MCTP2: variants seen among roughly 807,000 people sequenced by gnomAD.
MCTP2 encodes multiple C2 and transmembrane domain containing 2, also known as multiple C2 and transmembrane domain-containing protein 2.
MCTP2 carries 132 observed loss-of-function variants against 111.6 expected under a neutral mutation model. The observed-to-expected ratio is 1.18, with a 90% CI of 1.03 to 1.37. The LOEUF (loss-of-function observed/expected upper bound fraction) is 1.37. Ranked by LOEUF, MCTP2 falls within the 40% of genes most tolerant of loss-of-function variation. MCTP2 has a pLI of 0.00. For synonymous variants in MCTP2, 395 were observed against 387.7 expected (o/e 1.02, Z -0.22); for missense variants, 1,183 against 1,067.9 (o/e 1.11, Z -1.50).
intron 17 of MCTP2, among the ~76,000 whole-genome samples, chr15:94,433,973 A>G (rs191376303): frequency 2.7e-3 from 418 of 152,300 alleles, no homozygotes; most frequent in African/African-American, 9.5e-3. Context: ...ATAATTTTTT[A>G]TCTTCTGGAA....
intron 20 of MCTP2, 87 bp from the exon 21 acceptor site, chr15:94,470,246 T>C: frequency 9.6e-7 from 1 of 1,042,172 alleles, no homozygotes; most frequent in Non-Finnish European, 1.4e-6. Flanking sequence ...ATTTCTATAA[T>C]TATGAACATG....
chr15:94,242,188 G>C (rs1333311903), intron 1 of MCTP2, among the ~76,000 whole-genome samples: 1 of 152,040 alleles, frequency 6.6e-6, no homozygotes, highest in African/African-American at 2.4e-5. Flanking sequence ...GAAAGACTGG[G>C]TTTTGAATTC....
At chr15:94,365,071 G>A (rs1338957678) in intron 10 of MCTP2, among the ~76,000 whole-genome samples, 1 of 152,146 alleles carries the variant, frequency 6.6e-6, no homozygotes, top group Non-Finnish European at 1.5e-5. Flanking sequence ...TGAACATACT[G>A]GTTCATGTGG....
At chr15:94,312,136 C>G (rs2076172552) in intron 2 of MCTP2, among the ~76,000 whole-genome samples, 1 of 152,152 alleles carries the variant, frequency 6.6e-6, no homozygotes, top group Admixed American at 6.5e-5. Context: ...TTTCAGGCTT[C>G]AGAGCATCAG....
chr15:94,276,531 A>G (rs2074219008), intron 1 of MCTP2, among the ~76,000 whole-genome samples: 2 of 152,096 alleles, frequency 1.3e-5, no homozygotes, highest in Middle Eastern at 6.9e-3. Context: ...AGTATAACAC[A>G]TGACTCAACC....
At position 94,245,174 on chromosome 15, in the gene MCTP2, A is replaced by G. The variant is rs371922735; in HGVS notation, c.-66+13510A>G. 5.2e-4 allele frequency among the ~76,000 whole-genome samples: 77 copies of G among 146,956 alleles called. 1 individual carries two copies. In the South Asian group the frequency reaches 0.013, roughly 24 times the overall value. The stretch of plus-strand genomic sequence containing the variant: ...CATGTTTGTATATTTATACACATGT[A>G]TAGATTTATACACACATATGTATGT... On this transcript the variant is annotated intron_variant, in intron 1 of 22. Coordinates refer to ENST00000357742, the MANE Select transcript of MCTP2 (RefSeq NM_001385001.1).
At chr15:94,357,860 CTTTTG>C (rs1428449265) in intron 9 of MCTP2, among the ~76,000 whole-genome samples, 6 of 152,154 alleles carry the variant, frequency 3.9e-5, no homozygotes, top group African/African-American at 1.2e-4. Flanking sequence ...GTTTGAATCA[CTTTTG>C]AAGAACACAG....
At chr15:94,246,373 T>G (rs777995816) in intron 1 of MCTP2, among the ~76,000 whole-genome samples, 1 of 152,192 alleles carries the variant, frequency 6.6e-6, no homozygotes, top group Admixed American at 6.5e-5. Flanking sequence ...CGTCTAATAG[T>G]ACCTACCTTA....
chr15:94,402,608 T>A (rs1229925295), intron 17 of MCTP2: 2 of 1,550,792 alleles, frequency 1.3e-6, no homozygotes, highest in Non-Finnish European at 1.7e-6. Flanking sequence ...TAAAACCACC[T>A]AAGTCTACCA....
rs752189971 is a variant in MCTP2, at chr15:94,358,489, G to A, written c.1178G>A (p.Cys393Tyr). Residue 393 changes from cysteine (C) to tyrosine (Y), a missense_variant, in exon 10 of 23, where the codon TGT (cysteine) becomes TAT (tyrosine). Cys to Tyr is a radical substitution (Grantham distance 194). Coordinates refer to ENST00000357742, the MANE Select transcript of MCTP2 (RefSeq NM_001385001.1). ...GDQRYKSKTL[C>Y]KSANPQWQEQ... ...TAACTGCATGTTTTCTAGACACTGT[G>A]TAAGAGTGCAAATCCGCAGTGGCAG... 4.3e-6 allele frequency: 7 copies of A among 1,613,410 alleles called. No homozygotes were observed. The South Asian group carries it at 6.6e-5, about 15-fold the overall frequency.
At chr15:94,430,901 T>C (rs1345557309) in intron 17 of MCTP2, among the ~76,000 whole-genome samples, 1 of 152,232 alleles carries the variant, frequency 6.6e-6, no homozygotes, top group African/African-American at 2.4e-5. Context: ...TACTGCCCTC[T>C]CAGTGATTTC....
At chr15:94,478,310 A>G (rs1360923344) in intron 22 of MCTP2, among the ~76,000 whole-genome samples, 1 of 152,244 alleles carries the variant, frequency 6.6e-6, no homozygotes, top group African/African-American at 2.4e-5. Context: ...AGAGAGATGC[A>G]GCAAAAGAAC....
intron 21 of MCTP2, 116 bp from the exon 22 acceptor site, chr15:94,476,580 G>A (rs1186996730): frequency 1.5e-6 from 1 of 678,520 alleles, no homozygotes; most frequent in African/African-American, 1.8e-5. Context: ...GAAGATAGAT[G>A]CTAGATAGAT....
At chr15:94,346,655 G>C (rs891909244) in intron 8 of MCTP2, among the ~76,000 whole-genome samples, 1 of 152,148 alleles carries the variant, frequency 6.6e-6, no homozygotes, top group African/African-American at 2.4e-5. Flanking sequence ...AGGGAGCTTT[G>C]GTCTGTGGAA....
At chr15:94,309,149 C>T (rs1057243114) in intron 2 of MCTP2, among the ~76,000 whole-genome samples, 1 of 152,182 alleles carries the variant, frequency 6.6e-6, no homozygotes, top group Admixed American at 6.5e-5. Flanking sequence ...CCAGTTTTGA[C>T]CTCTCATTGC....
intron 1 of MCTP2, among the ~76,000 whole-genome samples, chr15:94,257,557 ATTTTCTTTGTTGTTTTTTTTTTTTTTTT>A: frequency 1.5e-5 from 1 of 68,532 alleles, no homozygotes; most frequent in East Asian, 4.9e-4. Context: ...ATTTGTTGTC[ATTTTCTTTGTTGTTTTTTTTTTTTTTTT>A]TTTTTTTTTT....
At chr15:94,237,016 C>T (rs1177314120) in intron 1 of MCTP2, among the ~76,000 whole-genome samples, 3 of 152,024 alleles carry the variant, frequency 2.0e-5, no homozygotes, top group Non-Finnish European at 4.4e-5. Flanking sequence ...GGCTTGGTGC[C>T]AGTAACATAA....
intron 17 of MCTP2, among the ~76,000 whole-genome samples, chr15:94,435,602 TG>T (rs1281925646): frequency 6.6e-6 from 1 of 151,122 alleles, no homozygotes; most frequent in Non-Finnish European, 1.5e-5. Flanking sequence ...TCATGTCATC[TG>T]CTAAAAAAGT....
At chr15:94,402,651 A>G in intron 17 of MCTP2, 1 of 1,538,506 alleles carries the variant, frequency 6.5e-7, no homozygotes, top group South Asian at 1.2e-5. Flanking sequence ...AGGACTTCAC[A>G]GCTGGCCTCA....
Sources: gnomAD v4.1 joint callset for allele counts (sites outside exome capture counted in the v4.1 genomes callset) on GRCh38, gnomAD v4.1.1 for gene constraint, MANE v1.5 for transcripts, NCBI Gene and HGNC (gene_info 2026-07-23, HGNC 2026-07-21) for gene names.